Variants in EIF2B3 observed in about 807,000 individuals in gnomAD.
EIF2B3 encodes the protein translation initiation factor eIF2B subunit gamma.
In EIF2B3, 20 loss-of-function variants were observed where a neutral mutation model predicts 54.1. The observed-to-expected ratio is 0.37, with a 90% CI of 0.26 to 0.54. The LOEUF (loss-of-function observed/expected upper bound fraction) is 0.54. Ranked by LOEUF, EIF2B3 falls within the 20% of genes least tolerant of loss-of-function variation. The pLI is 0.86. For missense variants in EIF2B3, 448 were observed against 547.8 expected (o/e 0.82, Z 1.82); for synonymous variants, 153 against 188.1 (o/e 0.81, Z 1.52).
chr1:44,881,805 C>G lies in EIF2B3; in HGVS notation c.657-66G>C, dbSNP rs1477481408. 2 of 1,599,848 alleles carry G rather than the reference C, an allele frequency of 1.3e-6. No individual in the cohort carries two copies. Among genetic ancestry groups the G allele is most frequent in the East Asian group, 2.3e-5 (1 of 44,216 alleles). Reference sequence around the variant, plus strand: ...CTGGAACATACCCGGATCAAAAGCTCTGTGCATACAAGGAAAAGCCAAATC... The same window carrying G: ...CTGGAACATACCCGGATCAAAAGCTGTGTGCATACAAGGAAAAGCCAAATC... On this transcript the variant is annotated intron_variant, in intron 6 of 11. Transcript: ENST00000360403. The surrounding 1 kb of genome is among the most constrained non-coding windows in gnomAD (Gnocchi z 4.0).
At chr1:44,904,408 G>C (rs918999198) in intron 5 of EIF2B3, among the ~76,000 whole-genome samples, 1 of 152,216 alleles carries the variant, frequency 6.6e-6, no homozygotes, top group African/African-American at 2.4e-5. Context: ...TTCAGATGAG[G>C]ATAAAAGCCT....
intron 3 of EIF2B3, among the ~76,000 whole-genome samples, chr1:44,971,515 A>G (rs1644399358): frequency 6.6e-6 from 1 of 152,176 alleles, no homozygotes; most frequent in Non-Finnish European, 1.5e-5. Context: ...TCCAAGTATT[A>G]GAGGAACTTA....
rs1194303021 is a variant in EIF2B3 at position 44,866,944 on chromosome 1, CA to C, written c.1202+7733del. Among the ~76,000 whole-genome samples the C allele has an allele frequency of 2.0e-5, 3 of 152,188 alleles. No individual in the cohort carries two copies. In the East Asian group the frequency reaches 5.8e-4, roughly 29 times the overall value. ...GTAGGATTTTTACAGGAAAGAGCTC[CA>C]AAGAGAGGCAATTCAGGCAGAGTGA... is the stretch of plus-strand genomic sequence containing the variant. On this transcript the variant is annotated intron_variant, in intron 10 of 11. Transcript: ENST00000360403.
chr1:44,854,664 C>T (rs1255184083), intron 11 of EIF2B3, among the ~76,000 whole-genome samples: 1 of 151,198 alleles, frequency 6.6e-6, no homozygotes, highest in African/African-American at 2.4e-5. Flanking sequence ...CTCAGCTCAC[C>T]ACAACCTCTG....
chr1:44,957,540 C>A (rs1644240576), intron 3 of EIF2B3, among the ~76,000 whole-genome samples: 1 of 152,110 alleles, frequency 6.6e-6, no homozygotes, highest in African/African-American at 2.4e-5. Flanking sequence ...GCAGGCAGAT[C>A]ACTTGAGCTC....
At chr1:44,960,883 T>C (rs1336954855) in intron 3 of EIF2B3, among the ~76,000 whole-genome samples, 4 of 151,704 alleles carry the variant, frequency 2.6e-5, no homozygotes, top group African/African-American at 9.8e-5. Flanking sequence ...AGCTACTTCT[T>C]TCCTTACCTT....
chr1:44,884,014 T>C (rs1655496290), intron 6 of EIF2B3, among the ~76,000 whole-genome samples: 1 of 152,132 alleles, frequency 6.6e-6, no homozygotes, highest in Non-Finnish European at 1.5e-5. Flanking sequence ...AATTTTTTTA[T>C]TATTTGTAGA....
chr1:44,939,395 G>A (rs1175455729), intron 4 of EIF2B3, among the ~76,000 whole-genome samples: 1 of 152,122 alleles, frequency 6.6e-6, no homozygotes, highest in Non-Finnish European at 1.5e-5. Context: ...ATTTAAGCAT[G>A]AAAACATTTA....
intron 11 of EIF2B3, among the ~76,000 whole-genome samples, chr1:44,852,628 A>C (rs919860787): frequency 3.3e-5 from 5 of 151,904 alleles, no homozygotes; most frequent in African/African-American, 1.2e-4. Flanking sequence ...AAAAATACAA[A>C]ATTAGCCAGG....
chr1:44,892,368 C>T (rs774117588), intron 6 of EIF2B3, among the ~76,000 whole-genome samples: 12 of 151,832 alleles, frequency 7.9e-5, no homozygotes, highest in East Asian at 1.9e-4. Flanking sequence ...TCTCTTGAGC[C>T]GAGGAGTTTG....
chr1:44,864,439 G>A (rs2148896226), intron 10 of EIF2B3, among the ~76,000 whole-genome samples: 1 of 152,250 alleles, frequency 6.6e-6, no homozygotes, highest in African/African-American at 2.4e-5. Flanking sequence ...GTGTGTGCCT[G>A]TAGTCCCAGC....
intron 5 of EIF2B3, among the ~76,000 whole-genome samples, chr1:44,902,169 C>T (rs1379111061): frequency 6.6e-6 from 1 of 152,168 alleles, no homozygotes; most frequent in Non-Finnish European, 1.5e-5. Context: ...GTCTGTCTGT[C>T]CTTATGCCAG....
intron 10 of EIF2B3, among the ~76,000 whole-genome samples, chr1:44,862,276 C>T (rs909384917): frequency 3.3e-5 from 5 of 152,176 alleles, no homozygotes; most frequent in Non-Finnish European, 7.4e-5. Context: ...ATGGCTAAGA[C>T]TAATGGAGAC....
At chr1:44,913,080 A>G (rs72676525) in intron 5 of EIF2B3, among the ~76,000 whole-genome samples, 24,541 of 145,102 alleles carry the variant, frequency 0.17, 2,183 homozygotes, top group Non-Finnish European at 0.18. Flanking sequence ...GAAATATTAC[A>G]TTGGTGCAAA....
At chr1:44,944,143 C>T (rs1348506340) in intron 3 of EIF2B3, among the ~76,000 whole-genome samples, 1 of 151,850 alleles carries the variant, frequency 6.6e-6, no homozygotes, top group Non-Finnish European at 1.5e-5. Flanking sequence ...GACTCTATCT[C>T]CAAAGAAAGA....
At position 44,881,748 on chromosome 1, in the gene EIF2B3, A is replaced by G; in HGVS notation, c.657-9T>C. The G allele has an allele frequency of 6.2e-7, 1 of 1,613,988 alleles. No individual in the cohort carries two copies. The highest frequency in any genetic ancestry group is 8.5e-7 in the Non-Finnish European group (1 of 1,179,880). On this transcript the variant is annotated splice_polypyrimidine_tract_variant and intron_variant, in intron 6 of 11. Coordinates refer to ENST00000360403, the MANE Select transcript of EIF2B3 (RefSeq NM_020365.5). The surrounding 1 kb of genome is among the most constrained non-coding windows in gnomAD (Gnocchi z 4.0). ...GGATAGAAGTTATTGACCTAGAAAG[A>G]AAGAATGGCCAAATATGAGAAACCT... is the stretch of plus-strand genomic sequence containing the variant.
intron 4 of EIF2B3, among the ~76,000 whole-genome samples, chr1:44,933,740 G>A (rs369207967): frequency 2.0e-5 from 3 of 152,144 alleles, no homozygotes; most frequent in Non-Finnish European, 2.9e-5. Context: ...GTTATCTCGA[G>A]CAACTGTCCA....
chr1:44,877,130 T>G (rs1655192570), intron 8 of EIF2B3, among the ~76,000 whole-genome samples: 1 of 135,156 alleles, frequency 7.4e-6, no homozygotes, highest in African/African-American at 2.9e-5. Flanking sequence ...TGACATTCCC[T>G]CCACTATTGT....
chr1:44,879,747 G>T, intron 8 of EIF2B3, 71 bp downstream of exon 8: 1 of 1,535,366 alleles, frequency 6.5e-7, no homozygotes, highest in South Asian at 1.1e-5. Flanking sequence ...TGTACCTAAT[G>T]AAGAAACAGA....
Sources: allele counts gnomAD v4.1 joint callset (sites outside exome capture counted in the v4.1 genomes callset), GRCh38; gene constraint gnomAD v4.1.1; non-coding constraint Gnocchi (gnomAD v3.1); transcripts MANE v1.5; gene names NCBI Gene and HGNC (gene_info 2026-07-23, HGNC 2026-07-21).